ST6GALNAC3: variants seen among roughly 807,000 people sequenced by gnomAD.
ST6GALNAC3 encodes the protein alpha-N-acetylgalactosaminide alpha-2,6-sialyltransferase 3.
ST6GALNAC3 carries 25 observed loss-of-function variants against 32.7 expected under a neutral mutation model. The observed-to-expected ratio is 0.76, with a 90% CI of 0.56 to 1.07. ST6GALNAC3 has a LOEUF of 1.07. Ranked by LOEUF, ST6GALNAC3 falls within the 50% of genes least tolerant of loss-of-function variation. ST6GALNAC3 has a pLI of 0.00. For missense variants in ST6GALNAC3, 355 were observed against 382.4 expected, an observed-to-expected ratio of 0.93 and a Z score of 0.60; for synonymous variants, 129 against 133.1, an observed-to-expected ratio of 0.97 and a Z score of 0.21.
intron 1 of ST6GALNAC3, among the ~76,000 whole-genome samples, chr1:76,107,934 A>G (rs913614585): frequency 2.6e-4 from 40 of 152,292 alleles, no homozygotes; most frequent in African/African-American, 9.6e-4. Flanking sequence ...ATTTCCTGGC[A>G]TTGAGGCTAT....
chr1:76,285,377 G>A (rs796203354), intron 1 of ST6GALNAC3, among the ~76,000 whole-genome samples: 19 of 80,752 alleles, frequency 2.4e-4, no homozygotes, highest in African/African-American at 1.0e-3. Flanking sequence ...GCCCCTGGTC[G>A]GGAGGATGGT....
In ST6GALNAC3 at chr1:76,567,202, C is replaced by T. The variant is rs147312500; in HGVS notation, c.624-60250C>T. On this transcript the variant is annotated intron_variant, in intron 3 of 4. Coordinates refer to ENST00000328299, the MANE Select transcript of ST6GALNAC3 (RefSeq NM_152996.4). ...TCAATATGATTTTAAAGCCATGAGA[C>T]CCTCTCATTCTTGGTTTTGATGTTG... is the stretch of plus-strand genomic sequence containing the variant. 7.9e-3 allele frequency among the ~76,000 whole-genome samples: 1,207 copies of T among 152,258 alleles called. 11 individuals carry two copies. Among genetic ancestry groups the T allele is most frequent in the Non-Finnish European group, 0.014 (940 of 68,006 alleles).
chr1:76,597,308 G>C (rs981030687), intron 3 of ST6GALNAC3, among the ~76,000 whole-genome samples: 3 of 151,968 alleles, frequency 2.0e-5, no homozygotes, highest in Non-Finnish European at 4.4e-5. Flanking sequence ...AGTATATGTC[G>C]CTTGCTGGGT....
intron 3 of ST6GALNAC3, among the ~76,000 whole-genome samples, chr1:76,559,819 G>A (rs1665142749): frequency 3.3e-5 from 5 of 152,144 alleles, no homozygotes; most frequent in Admixed American, 3.3e-4. Flanking sequence ...TGCCCCAGAG[G>A]TGACAGCATG....
intron 3 of ST6GALNAC3, among the ~76,000 whole-genome samples, chr1:76,451,198 G>A (rs781125464): frequency 9.9e-5 from 15 of 152,118 alleles, no homozygotes; most frequent in Non-Finnish European, 1.9e-4. Context: ...TTCTCATGCT[G>A]CTAAGAAAGA....
chr1:76,124,089 C>T (rs933138491), intron 1 of ST6GALNAC3, among the ~76,000 whole-genome samples: 3 of 151,960 alleles, frequency 2.0e-5, no homozygotes, highest in Non-Finnish European at 4.4e-5. Flanking sequence ...AAAACATTAA[C>T]TCATTTTAAT....
In ST6GALNAC3 at chr1:76,551,715, C is replaced by T. The variant is rs758614230; in HGVS notation, c.624-75737C>T. On this transcript the variant is annotated intron_variant, in intron 3 of 4. Coordinates refer to ENST00000328299, the MANE Select transcript of ST6GALNAC3 (RefSeq NM_152996.4). ...TTTCTTCTAGGTGTTTTGAAATTTA[C>T]GATACATTTTTGTAAACTATAGTCA... Among the ~76,000 whole-genome samples, 9 of 152,190 alleles carry T rather than the reference C, an allele frequency of 5.9e-5. No homozygotes were observed. The South Asian group carries it at 1.0e-3, about 18-fold the overall frequency.
intron 3 of ST6GALNAC3, among the ~76,000 whole-genome samples, chr1:76,603,795 C>G (rs1647356773): frequency 6.6e-6 from 1 of 152,148 alleles, no homozygotes; most frequent in Non-Finnish European, 1.5e-5. Flanking sequence ...ACCTCAGTCC[C>G]CTGATTAGCT....
At chr1:76,426,783 C>A (rs1010579367) in intron 3 of ST6GALNAC3, among the ~76,000 whole-genome samples, 2 of 151,894 alleles carry the variant, frequency 1.3e-5, no homozygotes, top group South Asian at 4.1e-4. Context: ...ATGAGTAATG[C>A]GTTGTACTAT....
chr1:76,189,511 G>A (rs1653771462), intron 1 of ST6GALNAC3, among the ~76,000 whole-genome samples: 1 of 152,146 alleles, frequency 6.6e-6, no homozygotes, highest in Non-Finnish European at 1.5e-5. Flanking sequence ...ACGTCATTGT[G>A]CTTAGTGAAT....
intron 1 of ST6GALNAC3, among the ~76,000 whole-genome samples, chr1:76,130,601 A>T (rs1649548599): frequency 6.6e-6 from 1 of 152,148 alleles, no homozygotes. Flanking sequence ...TAGATGTAAC[A>T]TTTCCATTTG....
intron 2 of ST6GALNAC3, among the ~76,000 whole-genome samples, chr1:76,322,294 G>A (rs1350364826): frequency 1.3e-5 from 2 of 152,166 alleles, no homozygotes; most frequent in Non-Finnish European, 2.9e-5. Context: ...ATGGCAATTG[G>A]TATTAACCAA....
chr1:76,322,285 T>C (rs751724714), intron 2 of ST6GALNAC3, among the ~76,000 whole-genome samples: 7 of 152,296 alleles, frequency 4.6e-5, no homozygotes, highest in Non-Finnish European at 8.8e-5. Flanking sequence ...TTTCATCAAA[T>C]GGCAATTGGT....
chr1:76,598,217 G>A (rs901005461), intron 3 of ST6GALNAC3, among the ~76,000 whole-genome samples: 2 of 152,098 alleles, frequency 1.3e-5, no homozygotes, highest in African/African-American at 2.4e-5. Context: ...ACCTCCCAAA[G>A]GGCCCAGCTC....
intron 3 of ST6GALNAC3, chr1:76,577,048 T>G: frequency 8.7e-7 from 1 of 1,151,072 alleles, no homozygotes; most frequent in Non-Finnish European, 1.1e-6. Context: ...TCTTTCCCTT[T>G]GTAGACTTGC....
At chr1:76,404,166 A>G (rs1653639181) in intron 2 of ST6GALNAC3, among the ~76,000 whole-genome samples, 1 of 152,110 alleles carries the variant, frequency 6.6e-6, no homozygotes, top group South Asian at 2.1e-4. Flanking sequence ...GAACCAAGGT[A>G]AATGCCACAT....
intron 2 of ST6GALNAC3, among the ~76,000 whole-genome samples, chr1:76,326,434 G>A (rs1296740679): frequency 6.6e-6 from 1 of 152,200 alleles, no homozygotes; most frequent in Non-Finnish European, 1.5e-5. Context: ...TGAGAGTAGA[G>A]AGAGTGACTA....
chr1:76,211,499 A>C (rs500495), intron 1 of ST6GALNAC3, among the ~76,000 whole-genome samples: 69,586 of 152,158 alleles, frequency 0.46, 16,748 homozygotes, highest in African/African-American at 0.58. Flanking sequence ...ATGTTTATTG[A>C]GGCACTATTC....
chr1:76,510,743 G>A (rs1661804879), intron 3 of ST6GALNAC3, among the ~76,000 whole-genome samples: 1 of 152,086 alleles, frequency 6.6e-6, no homozygotes, highest in South Asian at 2.1e-4. Flanking sequence ...AGCTAAACCT[G>A]GCTTACCGGA....
Sources: gnomAD v4.1 joint callset for allele counts (sites outside exome capture counted in the v4.1 genomes callset) on GRCh38, gnomAD v4.1.1 for gene constraint, MANE v1.5 for transcripts, NCBI Gene and HGNC (gene_info 2026-07-23, HGNC 2026-07-21) for gene names.